The following JAM3 variants were observed in gnomAD, a reference collection of about 807,000 sequenced individuals.
The protein encoded by JAM3 is junctional adhesion molecule C.
A neutral mutation model predicts 39.4 loss-of-function variants in JAM3; 31 were observed. The ratio of observed to expected loss-of-function variants is 0.79; its 90% CI spans 0.59 to 1.06. JAM3 has a LOEUF of 1.06. JAM3 is among the 50% of genes least tolerant of loss of function. The pLI is 0.00. For synonymous variants in JAM3, 182 were observed against 148.7 expected (o/e 1.22, Z -1.63); for missense variants, 455 against 391.4 (o/e 1.16, Z -1.37).
chr11:134,134,668 C>G (rs1942831173), intron 1 of JAM3, among the ~76,000 whole-genome samples: 1 of 152,260 alleles, frequency 6.6e-6, no homozygotes, highest in East Asian at 1.9e-4. Context: ...CTCACCAACT[C>G]TTATTATTTC....
At chr11:134,112,931 G>A (rs1238499647) in intron 1 of JAM3, among the ~76,000 whole-genome samples, 1 of 152,120 alleles carries the variant, frequency 6.6e-6, no homozygotes, top group South Asian at 2.1e-4. Context: ...AGTTATATAT[G>A]CTGTCTTCTG....
At chr11:134,080,067 TGAA>T (rs772606656) in intron 1 of JAM3, among the ~76,000 whole-genome samples, 90 of 152,346 alleles carry the variant, frequency 5.9e-4, no homozygotes, top group Admixed American at 9.8e-4. Context: ...TTGTTTACCA[TGAA>T]GAAAAAATGA....
chr11:134,080,340 T>C (rs956029198), intron 1 of JAM3, among the ~76,000 whole-genome samples: 3 of 152,238 alleles, frequency 2.0e-5, no homozygotes, highest in African/African-American at 7.2e-5. Flanking sequence ...TAGGAAAAGA[T>C]GAAATCTATG....
intron 4 of JAM3, 36 bp downstream of exon 4, chr11:134,144,429 T>C (rs769124432): frequency 1.7e-5 from 27 of 1,611,212 alleles, no homozygotes; most frequent in Middle Eastern, 1.6e-4. Context: ...ATTGCCACCA[T>C]AGGATGCAAG....
chr11:134,143,322 CT>C (rs1406368724), intron 3 of JAM3, among the ~76,000 whole-genome samples: 3 of 152,184 alleles, frequency 2.0e-5, no homozygotes, highest in African/African-American at 7.2e-5. Context: ...TTTGCATTTC[CT>C]GGTGACTAAT....
At chr11:134,118,438 C>T (rs185437854) in intron 1 of JAM3, among the ~76,000 whole-genome samples, 1 of 152,284 alleles carries the variant, frequency 6.6e-6, no homozygotes, top group African/African-American at 2.4e-5. Flanking sequence ...ACAGTTCCAT[C>T]TCCTTTGCAC....
At chr11:134,125,846 A>G (rs1942638742) in intron 1 of JAM3, among the ~76,000 whole-genome samples, 1 of 152,206 alleles carries the variant, frequency 6.6e-6, no homozygotes, top group African/African-American at 2.4e-5. Flanking sequence ...TACATTAGAC[A>G]TCAGTCCTAC....
At chr11:134,111,042 C>T (rs1328596624) in intron 1 of JAM3, among the ~76,000 whole-genome samples, 2 of 150,832 alleles carry the variant, frequency 1.3e-5, no homozygotes, top group Admixed American at 1.3e-4. Flanking sequence ...GAATATATGG[C>T]TCATATGAAT....
chr11:134,091,506 A>C (rs1428364195), intron 1 of JAM3, among the ~76,000 whole-genome samples: 3 of 145,632 alleles, frequency 2.1e-5, no homozygotes, highest in Non-Finnish European at 4.5e-5. Context: ...CTCTAAATAA[A>C]TAGATAGATA....
At position 134,149,910 on chromosome 11, in the gene JAM3, A is replaced by G. The variant is rs879680399; in HGVS notation, c.*729A>G. ...ATATGCTTTTCTATGGGTCTTGTTTATTTTATAAAATTTTACATCTAAATT... is the reference window on the plus strand; with the variant it reads ...ATATGCTTTTCTATGGGTCTTGTTTGTTTTATAAAATTTTACATCTAAATT... On this transcript the variant is annotated 3_prime_UTR_variant, in exon 9 of 9. Coordinates refer to ENST00000299106, the MANE Select transcript of JAM3 (RefSeq NM_032801.5). 2.8e-5 allele frequency: 5 copies of G among 175,836 alleles called. No homozygotes were observed. The Admixed American group carries it at 3.0e-4, about 10-fold the overall frequency. The allele number at this position is 175,836 out of a possible 1,614,324, so 10.9% of individuals were successfully genotyped here. A position where few individuals can be genotyped will look rare whatever the true frequency, so the allele number is the denominator to read the frequency against.
In JAM3 at chr11:134,150,391, T is replaced by C. The variant is rs1943181602; in HGVS notation, c.*1210T>C. 6.6e-6 allele frequency: 1 copy of C among 152,414 alleles called. No homozygotes were observed. Among genetic ancestry groups the C allele is most frequent in the Middle Eastern group, 3.4e-3 (1 of 296 alleles). The allele number at this position is 152,414 out of a possible 1,614,324, so 9.4% of individuals were successfully genotyped here. On this transcript the variant is annotated 3_prime_UTR_variant, in exon 9 of 9. Transcript: ENST00000299106. ...CACAGATGCCAGTCAGCTCCTGGGG[T>C]TGCGCCAGGCGCCCCCGCTCTAGCT...
At chr11:134,081,396 G>T (rs1211338119) in intron 1 of JAM3, among the ~76,000 whole-genome samples, 2 of 152,200 alleles carry the variant, frequency 1.3e-5, no homozygotes, top group Admixed American at 6.5e-5. Context: ...GGTTTCATGG[G>T]CCGGGCCCAG....
At chr11:134,114,630 G>T (rs1942385604) in intron 1 of JAM3, among the ~76,000 whole-genome samples, 1 of 152,180 alleles carries the variant, frequency 6.6e-6, no homozygotes, top group Non-Finnish European at 1.5e-5. Flanking sequence ...TGAGAAATGT[G>T]TTAGTTTCCA....
chr11:134,119,905 G>A (rs1205574435), intron 1 of JAM3, among the ~76,000 whole-genome samples: 1 of 152,134 alleles, frequency 6.6e-6, no homozygotes, highest in African/African-American at 2.4e-5. Flanking sequence ...AGTTAAGCCA[G>A]GTCACAAAAT....
At chr11:134,119,333 C>T (rs1219216298) in intron 1 of JAM3, among the ~76,000 whole-genome samples, 1 of 152,158 alleles carries the variant, frequency 6.6e-6, no homozygotes, top group East Asian at 1.9e-4. Context: ...CTGGCTTAAC[C>T]CTGGGGTGTT....
At chr11:134,125,358 T>G (rs537671342) in intron 1 of JAM3, among the ~76,000 whole-genome samples, 11 of 152,142 alleles carry the variant, frequency 7.2e-5, no homozygotes, top group African/African-American at 2.7e-4. Flanking sequence ...CAAGATAGGG[T>G]TTTACTCAAA....
chr11:134,124,067 G>T, intron 1 of JAM3: 6 of 1,466,982 alleles, frequency 4.1e-6, no homozygotes, highest in Non-Finnish European at 4.8e-6. Context: ...CACAGAATTT[G>T]GTTTATAACA....
At chr11:134,139,262 A>G (rs1942929263) in intron 1 of JAM3, among the ~76,000 whole-genome samples, 1 of 152,206 alleles carries the variant, frequency 6.6e-6, no homozygotes, top group African/African-American at 2.4e-5. Flanking sequence ...CTTCGTGAAA[A>G]TTACCGTGTT....
intron 1 of JAM3, chr11:134,124,234 C>G: frequency 2.3e-6 from 3 of 1,282,792 alleles, no homozygotes; most frequent in East Asian, 2.3e-5. Context: ...TTAAGTTCCT[C>G]TGGGAACTCG....
Sources: gnomAD v4.1 joint callset for allele counts (sites outside exome capture counted in the v4.1 genomes callset) on GRCh38, gnomAD v4.1.1 for gene constraint, MANE v1.5 for transcripts, NCBI Gene and HGNC (gene_info 2026-07-23, HGNC 2026-07-21) for gene names.